The following TKT variants were observed in gnomAD, a reference collection of about 807,000 sequenced individuals.
The protein encoded by TKT is transketolase.
Under a neutral mutation model 63.9 loss-of-function variants are expected in TKT, and 47 were observed. That is an observed-to-expected ratio of 0.74 (90% CI 0.58 to 0.94). TKT has a LOEUF of 0.94. Ranked by LOEUF, TKT falls within the 40% of genes least tolerant of loss-of-function variation. The probability of loss-of-function intolerance (pLI) is 0.00; values close to 1 mark genes in which losing one functional copy is unlikely to be tolerated. For synonymous variants in TKT, 338 were observed against 334.1 expected (o/e 1.01, Z -0.13); for missense variants, 721 against 846.2 (o/e 0.85, Z 1.84).
chr3:53,243,128 G>A (rs1003350951), intron 1 of TKT, among the ~76,000 whole-genome samples: 3 of 152,074 alleles, frequency 2.0e-5, no homozygotes, highest in Non-Finnish European at 2.9e-5. Flanking sequence ...GTGGGGCCAC[G>A]GAGTCCCCTT....
At chr3:53,246,955 G>A (rs1378275301) in intron 1 of TKT, among the ~76,000 whole-genome samples, 1 of 152,042 alleles carries the variant, frequency 6.6e-6, no homozygotes, top group African/African-American at 2.4e-5. Flanking sequence ...ACCCACTGTA[G>A]TTCCAAAAAT....
In TKT at chr3:53,230,487, G is replaced by A; in HGVS notation, c.1077C>T (p.Phe359=). 2 of 1,614,240 alleles carry A rather than the reference G, an allele frequency of 1.2e-6. No individual in the cohort carries two copies. The highest frequency in any genetic ancestry group is 1.7e-6 in the Non-Finnish European group (2 of 1,180,038). ...EIFKKEHPDR[F]IECYIAEQNM... is the part of the protein sequence containing the mutation. ...TCTGCTCAGCAATGTAGCACTCGAT[G>A]AAGCGGTCCGGGTGCTCCTTTTTGA... The change falls in exon 8 of 14, where the codon TTC becomes TTT. Residue 359 remains phenylalanine (F), a synonymous_variant. Coordinates refer to ENST00000462138, the MANE Select transcript of TKT (RefSeq NM_001064.4).
At chr3:53,233,095 T>A in intron 6 of TKT, 61 bp downstream of exon 6, 2 of 1,426,672 alleles carry the variant, frequency 1.4e-6, no homozygotes, top group Middle Eastern at 1.8e-4. Context: ...GGGTCAGAGC[T>A]ACGTAGCCAC....
intron 6 of TKT, chr3:53,232,513 C>G: frequency 2.5e-6 from 1 of 398,746 alleles, no homozygotes; most frequent in Non-Finnish European, 4.4e-6. Context: ...TTCCTCTGTC[C>G]CCGGGCAAGT....
At chr3:53,249,184 T>G (rs1575574752) in intron 1 of TKT, among the ~76,000 whole-genome samples, 1 of 151,672 alleles carries the variant, frequency 6.6e-6, no homozygotes, top group Non-Finnish European at 1.5e-5. Context: ...TTGGCTGGGC[T>G]GTCTCGAACT....
chr3:53,251,035 TGCTGTGAATACA>T (rs1705723146), intron 1 of TKT, among the ~76,000 whole-genome samples: 1 of 152,082 alleles, frequency 6.6e-6, no homozygotes, highest in Non-Finnish European at 1.5e-5. Flanking sequence ...CCTCCCAAAG[TGCTGTGAATACA>T]GGCATGAGCC....
At chr3:53,243,554 T>A in intron 1 of TKT, 1 of 456,614 alleles carries the variant, frequency 2.2e-6, no homozygotes, top group Non-Finnish European at 4.4e-6. Context: ...AGTACCAACA[T>A]TCTCGCACAC....
At chr3:53,233,329 G>A (rs545042121) in intron 5 of TKT, 55 bp from the exon 6 acceptor site, 51 of 1,420,580 alleles carry the variant, frequency 3.6e-5, no homozygotes, top group East Asian at 1.5e-4. Flanking sequence ...CAACACCGAG[G>A]AGCCTTCCAG....
Position 53,233,282 on chromosome 3 carries a change from CA to C in TKT, c.630-9del, listed in dbSNP as rs1704857154. ...ACGATGATGGCATGCCAACTGGGGA[CA>C]GGGGGCAGAGAGTAAGGGGCAATTC... is the stretch of plus-strand genomic sequence containing the variant. On this transcript the variant is annotated splice_polypyrimidine_tract_variant and intron_variant, in intron 5 of 13. Transcript: ENST00000462138. The C allele has an allele frequency of 1.2e-6, 2 of 1,606,186 alleles. No individual in the cohort carries two copies. Among genetic ancestry groups the C allele is most frequent in the Non-Finnish European group, 8.5e-7 (1 of 1,175,866 alleles).
intron 13 of TKT, 137 bp from the exon 14 acceptor site, chr3:53,226,068 T>G: frequency 1.4e-6 from 1 of 716,814 alleles, no homozygotes. Flanking sequence ...CATGAGCCCA[T>G]CACATAACTC....
chr3:53,241,662 C>T (rs894917644), intron 2 of TKT, among the ~76,000 whole-genome samples: 10 of 152,226 alleles, frequency 6.6e-5, no homozygotes, highest in African/African-American at 2.2e-4. Context: ...TGTGATTCCA[C>T]CCAGAAGGGG....
intron 4 of TKT, 78 bp downstream of exon 4, chr3:53,240,173 G>A (rs1553679464): frequency 2.2e-6 from 3 of 1,374,066 alleles, no homozygotes; most frequent in African/African-American, 1.4e-5. Context: ...AGAGTCTGGG[G>A]GCGATGGTGA....
At chr3:53,226,079 A>G in intron 13 of TKT, 148 bp from the exon 14 acceptor site, 1 of 674,834 alleles carries the variant, frequency 1.5e-6, no homozygotes, top group Admixed American at 3.5e-5. Context: ...CACATAACTC[A>G]TTGATTTTTT....
At chr3:53,248,287 A>G (rs4687718) in intron 1 of TKT, among the ~76,000 whole-genome samples, 114,896 of 152,110 alleles carry the variant, frequency 0.76, 46,187 homozygotes, top group East Asian at 0.95. Flanking sequence ...GCTAAGAAAA[A>G]CTGGTGAATG....
chr3:53,255,255 G>A (rs1384149190), intron 1 of TKT, among the ~76,000 whole-genome samples: 2 of 152,212 alleles, frequency 1.3e-5, no homozygotes, highest in East Asian at 3.8e-4. Flanking sequence ...AGTCTGAGGT[G>A]GGGAGAAGGC....
At position 53,240,261 on chromosome 3, in the gene TKT, C is replaced by G. The variant is rs781880154; in HGVS notation, c.427G>C (p.Asp143His). The G allele has an allele frequency of 6.2e-7, 1 of 1,612,626 alleles. No homozygotes were observed. The highest frequency in any genetic ancestry group is 8.5e-7 in the Non-Finnish European group (1 of 1,178,928). Residue 143 changes from aspartate (D) to histidine (H), a missense_variant, in exon 4 of 14, where the codon GAC becomes CAC. Asp to His is a moderately conservative substitution (Grantham distance 81). Coordinates refer to ENST00000462138, the MANE Select transcript of TKT (RefSeq NM_001064.4). ...CGMAYTGKYFDKASYRVYCLL... is the reference protein window; with the variant it reads ...CGMAYTGKYFHKASYRVYCLL... ...GAGTAGGTGTGTTACCTGGCCTTGT[C>G]GAAGTATTTGCCGGTGTAGGCCATC...
At chr3:53,238,115 G>A (rs1213717853) in intron 4 of TKT, among the ~76,000 whole-genome samples, 1 of 152,010 alleles carries the variant, frequency 6.6e-6, no homozygotes, top group African/African-American at 2.4e-5. Context: ...ACAGTCAGGG[G>A]CCTAGGCTCC....
At chr3:53,253,246 G>A (rs1705834485) in intron 1 of TKT, among the ~76,000 whole-genome samples, 1 of 152,122 alleles carries the variant, frequency 6.6e-6, no homozygotes, top group East Asian at 1.9e-4. Flanking sequence ...CCAAAGTGCT[G>A]GCATACATGT....
intron 1 of TKT, among the ~76,000 whole-genome samples, 161 bp downstream of exon 1, chr3:53,255,675 G>A (rs974195772): frequency 8.9e-4 from 136 of 152,008 alleles, no homozygotes; most frequent in Non-Finnish European, 1.7e-3. Context: ...CCTGCAGCCC[G>A]GGGCCCTGCG....
Sources: allele counts gnomAD v4.1 joint callset (sites outside exome capture counted in the v4.1 genomes callset), GRCh38; gene constraint gnomAD v4.1.1; transcripts MANE v1.5; gene names NCBI Gene and HGNC (gene_info 2026-07-23, HGNC 2026-07-21).